The following PIK3CB variants were observed in gnomAD, a reference collection of about 807,000 sequenced individuals.
PIK3CB encodes phosphatidylinositol 4,5-bisphosphate 3-kinase catalytic subunit beta isoform.
A neutral mutation model predicts 136.8 loss-of-function variants in PIK3CB; 39 were observed. That is an observed-to-expected ratio of 0.29 (90% CI 0.22 to 0.37). PIK3CB has a LOEUF of 0.37. PIK3CB is among the 10% of genes least tolerant of loss of function. The pLI is 1.00. For synonymous variants in PIK3CB, 428 were observed against 436.6 expected (o/e 0.98, Z 0.25); for missense variants, 868 against 1,275.4 (o/e 0.68, Z 4.87).
intron 4 of PIK3CB, among the ~76,000 whole-genome samples, chr3:138,744,818 C>G (rs963016976): frequency 1.3e-5 from 2 of 152,166 alleles, no homozygotes; most frequent in African/African-American, 2.4e-5. Context: ...TCTTCCTCAT[C>G]ATCTGGCACT....
chr3:138,717,591 T>C (rs2044639580), intron 8 of PIK3CB, among the ~76,000 whole-genome samples: 1 of 152,068 alleles, frequency 6.6e-6, no homozygotes, highest in Non-Finnish European at 1.5e-5. Context: ...GTTACATAGG[T>C]AAGCTGTTGT....
intron 1 of PIK3CB, among the ~76,000 whole-genome samples, chr3:138,801,628 T>A (rs927646591): frequency 8.6e-5 from 13 of 151,980 alleles, no homozygotes; most frequent in African/African-American, 2.9e-4. Context: ...CCCAGCACTT[T>A]GGGAGGCCGA....
rs537409225 is a variant in PIK3CB at position 138,789,314 on chromosome 3, C to A, written c.-17+7149G>T. On this transcript the variant is annotated intron_variant, in intron 2 of 23. Coordinates refer to ENST00000674063, the MANE Select transcript of PIK3CB (RefSeq NM_006219.3). Reference sequence around the variant, plus strand: ...CTCTAATAAAAATACAAAAAATTAGCCAGGTGTGGTGGTGGGCACCTGTAG... The same window carrying A: ...CTCTAATAAAAATACAAAAAATTAGACAGGTGTGGTGGTGGGCACCTGTAG... 5.3e-4 allele frequency among the ~76,000 whole-genome samples: 81 copies of A among 152,106 alleles called. 1 individual carries two copies. Among genetic ancestry groups the A allele is most frequent in the Admixed American group, 9.8e-4 (15 of 15,270 alleles).
At chr3:138,669,309 T>C (rs2043480520) in intron 19 of PIK3CB, among the ~76,000 whole-genome samples, 1 of 148,034 alleles carries the variant, frequency 6.8e-6, no homozygotes, top group Admixed American at 7.0e-5. Flanking sequence ...CTCAGGAGGC[T>C]GAGATGGAAG....
chr3:138,786,271 C>G (rs1425433106), intron 2 of PIK3CB, among the ~76,000 whole-genome samples: 1 of 152,036 alleles, frequency 6.6e-6, no homozygotes, highest in Non-Finnish European at 1.5e-5. Context: ...TAGTCATGAG[C>G]TATATATAAT....
chr3:138,721,981 C>A (rs918779387), intron 8 of PIK3CB, among the ~76,000 whole-genome samples: 3 of 152,096 alleles, frequency 2.0e-5, no homozygotes, highest in African/African-American at 7.2e-5. Context: ...TTATGAGATT[C>A]TGAATATTAT....
chr3:138,712,408 A>C (rs2044521455), intron 9 of PIK3CB, 104 bp from the exon 10 acceptor site: 1 of 477,098 alleles, frequency 2.1e-6, no homozygotes, highest in Non-Finnish European at 3.7e-6. Context: ...AAAGTTCTGG[A>C]TGATTTCCAA....
intron 1 of PIK3CB, among the ~76,000 whole-genome samples, chr3:138,798,360 T>C (rs1206207647): frequency 1.3e-5 from 2 of 152,134 alleles, no homozygotes; most frequent in Non-Finnish European, 2.9e-5. Context: ...AGATGGGGTT[T>C]CACCATGTTG....
rs757588885 is a variant in PIK3CB, at chr3:138,755,930, T to C, written c.221A>G (p.Asp74Gly). Residue 74 changes from aspartate (D) to glycine (G), a missense_variant, in exon 4 of 24, where the codon GAT (aspartate) becomes GGT (glycine). Physicochemically the swap from Asp to Gly is moderately conservative, Grantham distance 94. Around this residue, in one of 4 missense-constraint regions of PIK3CB, gnomAD observed 612 missense variants for 801.1 expected, o/e 0.76. Coordinates refer to ENST00000674063, the MANE Select transcript of PIK3CB (RefSeq NM_006219.3). Reference protein sequence around the residue: ...HNYPMFNLLMDIDSYMFACVN... With the variant: ...HNYPMFNLLMGIDSYMFACVN... ...ACATGCAAACATATAGGAGTCAATA[T>C]CCATAAGGAGGTTGAACATTGGGTA... 6.2e-7 allele frequency: 1 copy of C among 1,612,164 alleles called. No homozygotes were observed.
At chr3:138,760,057 G>A (rs2045641116) in intron 2 of PIK3CB, among the ~76,000 whole-genome samples, 1 of 152,094 alleles carries the variant, frequency 6.6e-6, no homozygotes, top group Non-Finnish European at 1.5e-5. Context: ...GAGTAGCTGA[G>A]ACTACAGGCG....
intron 1 of PIK3CB, among the ~76,000 whole-genome samples, chr3:138,827,825 CAA>C (rs548007402): frequency 1.5e-5 from 2 of 130,734 alleles, no homozygotes; most frequent in Non-Finnish European, 1.7e-5. Context: ...TAAAAAAATA[CAA>C]AAAAAAAAAA....
intron 1 of PIK3CB, among the ~76,000 whole-genome samples, chr3:138,833,570 C>A (rs1270271507): frequency 6.6e-6 from 1 of 152,162 alleles, no homozygotes; most frequent in Non-Finnish European, 1.5e-5. Flanking sequence ...TATTACGAAT[C>A]ATATCTCCAA....
intron 16 of PIK3CB, among the ~76,000 whole-genome samples, chr3:138,688,599 G>A (rs1453809368): frequency 4.0e-5 from 6 of 151,676 alleles, no homozygotes; most frequent in African/African-American, 7.3e-5. Context: ...TAGGAATGCC[G>A]AGTAATTATT....
chr3:138,664,162 C>T, intron 20 of PIK3CB, 133 bp from the exon 21 acceptor site: 1 of 1,007,034 alleles, frequency 9.9e-7, no homozygotes, highest in East Asian at 2.7e-5. Context: ...TATGAGAGAA[C>T]ATGTGGATCA....
At chr3:138,798,599 T>C (rs1048906248) in intron 1 of PIK3CB, among the ~76,000 whole-genome samples, 1 of 152,178 alleles carries the variant, frequency 6.6e-6, no homozygotes, top group African/African-American at 2.4e-5. Context: ...CTGAGGGATA[T>C]AGGTGGGAAA....
chr3:138,812,035 G>A (rs911449663), intron 1 of PIK3CB, among the ~76,000 whole-genome samples: 23 of 152,036 alleles, frequency 1.5e-4, no homozygotes, highest in African/African-American at 5.6e-4. Context: ...AGGCTGCAGT[G>A]AGTTATGATC....
At chr3:138,768,012 G>A (rs775342337) in intron 2 of PIK3CB, among the ~76,000 whole-genome samples, 14 of 152,210 alleles carry the variant, frequency 9.2e-5, no homozygotes, top group African/African-American at 1.4e-4. Flanking sequence ...AATGAAGTAC[G>A]CAGCCAAGCG....
At chr3:138,761,673 G>A (rs2045663571) in intron 2 of PIK3CB, among the ~76,000 whole-genome samples, 1 of 152,170 alleles carries the variant, frequency 6.6e-6, no homozygotes, top group African/African-American at 2.4e-5. Context: ...AGAAGGCTGA[G>A]GCACGAGAAT....
intron 19 of PIK3CB, among the ~76,000 whole-genome samples, chr3:138,681,651 T>G (rs2043784734): frequency 6.6e-6 from 1 of 152,178 alleles, no homozygotes; most frequent in Non-Finnish European, 1.5e-5. Flanking sequence ...GGACTTTCTC[T>G]GGCCTTGTCA....
Sources: gnomAD v4.1 joint callset for allele counts (sites outside exome capture counted in the v4.1 genomes callset) on GRCh38, gnomAD v4.1.1 for gene constraint, gnomAD v4.1.1 regional missense constraint, MANE v1.5 for transcripts, NCBI Gene and HGNC (gene_info 2026-07-23, HGNC 2026-07-21) for gene names.